Variants in PDE3A observed in about 807,000 individuals in gnomAD.
The protein encoded by PDE3A is cGMP-inhibited 3',5'-cyclic phosphodiesterase 3A.
In PDE3A, 43 loss-of-function variants were observed where a neutral mutation model predicts 98.3. The observed-to-expected ratio is 0.44, with a 90% CI of 0.34 to 0.56. The LOEUF is 0.56. Among genes scored for constraint, PDE3A ranks in the 20% least tolerant of loss-of-function variants. The probability of loss-of-function intolerance (pLI) is 0.01; values close to 1 mark genes in which losing one functional copy is unlikely to be tolerated. For synonymous variants in PDE3A, 663 were observed against 567.9 expected (o/e 1.17, Z -2.38); for missense variants, 1,427 against 1,440.7 (o/e 0.99, Z 0.15).
At chr12:20,587,637 T>C (rs1943227334) in intron 2 of PDE3A, among the ~76,000 whole-genome samples, 2 of 152,184 alleles carry the variant, frequency 1.3e-5, no homozygotes. Flanking sequence ...TGATTTCAAC[T>C]TCGGAAAATA....
At chr12:20,551,815 G>A in intron 1 of PDE3A, 2 of 1,614,000 alleles carry the variant, frequency 1.2e-6, no homozygotes, top group Non-Finnish European at 1.7e-6. Flanking sequence ...CTCACAGCGG[G>A]ACTGGGACAA....
At chr12:20,639,548 G>A (rs561901911) in intron 9 of PDE3A, among the ~76,000 whole-genome samples, 16 of 152,148 alleles carry the variant, frequency 1.1e-4, no homozygotes, top group African/African-American at 3.9e-4. Context: ...CTTTAGGACA[G>A]CTGAAATGAA....
intron 1 of PDE3A, among the ~76,000 whole-genome samples, chr12:20,374,498 G>A (rs1347065204): frequency 6.6e-6 from 1 of 151,994 alleles, no homozygotes; most frequent in Admixed American, 6.6e-5. Context: ...AGCCTTGGGG[G>A]AGGGGGTGCA....
At chr12:20,457,185 G>T (rs944162013) in intron 1 of PDE3A, among the ~76,000 whole-genome samples, 5 of 151,912 alleles carry the variant, frequency 3.3e-5, no homozygotes, top group Non-Finnish European at 7.4e-5. Flanking sequence ...ATACACTACA[G>T]AAAAAGTATT....
At chr12:20,536,860 A>G (rs1002005645) in intron 1 of PDE3A, among the ~76,000 whole-genome samples, 1 of 152,038 alleles carries the variant, frequency 6.6e-6, no homozygotes, top group African/African-American at 2.4e-5. Flanking sequence ...TTTGTGTTCA[A>G]ATTTTTGTGT....
rs1730468978 is a variant in PDE3A at position 20,551,655 on chromosome 12, C to G, written c.961-5005C>G. The G allele has an allele frequency of 5.0e-6, 8 of 1,597,850 alleles. No homozygotes were observed. The South Asian group carries it at 7.9e-5, about 16-fold the overall frequency. On this transcript the variant is annotated intron_variant, in intron 1 of 15. Coordinates refer to ENST00000359062, the MANE Select transcript of PDE3A (RefSeq NM_000921.5). Reference sequence around the variant, plus strand: ...ATGAGTGCGACATGGCCTTCCACATCTACTGCCTGGACCCGCCCCTCAGCA... The same window carrying G: ...ATGAGTGCGACATGGCCTTCCACATGTACTGCCTGGACCCGCCCCTCAGCA...
intron 1 of PDE3A, among the ~76,000 whole-genome samples, chr12:20,470,059 T>A (rs1007408921): frequency 1.3e-5 from 2 of 152,100 alleles, no homozygotes; most frequent in African/African-American, 2.4e-5. Flanking sequence ...AAATCATATT[T>A]TAATCTTTTT....
chr12:20,418,741 A>G (rs565355916), intron 1 of PDE3A, among the ~76,000 whole-genome samples: 1 of 151,938 alleles, frequency 6.6e-6, no homozygotes, highest in African/African-American at 2.4e-5. Flanking sequence ...TGGTTACTAT[A>G]TTGTGTTAGT....
intron 1 of PDE3A, among the ~76,000 whole-genome samples, chr12:20,426,097 G>A (rs1944597216): frequency 6.6e-6 from 1 of 152,146 alleles, no homozygotes; most frequent in Non-Finnish European, 1.5e-5. Context: ...CTTCTTGGAA[G>A]GAAAATACTT....
chr12:20,502,959 T>A (rs1181106150), intron 1 of PDE3A, among the ~76,000 whole-genome samples: 2 of 152,122 alleles, frequency 1.3e-5, no homozygotes, highest in African/African-American at 4.8e-5. Flanking sequence ...TCTTTCTAAG[T>A]CATTTTCTTC....
intron 1 of PDE3A, among the ~76,000 whole-genome samples, chr12:20,390,023 A>G (rs1339948165): frequency 2.0e-5 from 3 of 151,948 alleles, no homozygotes; most frequent in East Asian, 3.9e-4. Context: ...GATATGAGGT[A>G]GGGAAGGATT....
chr12:20,667,240 T>A (rs1945337497), intron 15 of PDE3A, among the ~76,000 whole-genome samples: 2 of 152,212 alleles, frequency 1.3e-5, no homozygotes, highest in Non-Finnish European at 2.9e-5. Flanking sequence ...CTCTTCACTA[T>A]GTTGATTCAT....
At chr12:20,463,443 A>G (rs542137431) in intron 1 of PDE3A, among the ~76,000 whole-genome samples, 10 of 152,298 alleles carry the variant, frequency 6.6e-5, no homozygotes, top group African/African-American at 2.4e-4. Flanking sequence ...AAAACTCAAC[A>G]TAATTATGTT....
intron 1 of PDE3A, among the ~76,000 whole-genome samples, chr12:20,406,473 A>G (rs942183884): frequency 6.6e-6 from 1 of 152,146 alleles, no homozygotes; most frequent in Non-Finnish European, 1.5e-5. Context: ...TCCCCGGATG[A>G]TTACTGAAGT....
intron 1 of PDE3A, among the ~76,000 whole-genome samples, chr12:20,386,577 GTGA>G (rs1943812658): frequency 6.6e-6 from 1 of 151,798 alleles, no homozygotes; most frequent in Non-Finnish European, 1.5e-5. Context: ...CTGACCTCAA[GTGA>G]TCCACCTGCC....
chr12:20,659,794 A>G (rs1945120020), intron 15 of PDE3A, among the ~76,000 whole-genome samples: 2 of 152,182 alleles, frequency 1.3e-5, no homozygotes, highest in Admixed American at 1.3e-4. Flanking sequence ...CCTGTAGACC[A>G]CTTTTTCGTA....
At chr12:20,598,425 C>T (rs891832884) in intron 2 of PDE3A, among the ~76,000 whole-genome samples, 2 of 152,132 alleles carry the variant, frequency 1.3e-5, no homozygotes, top group Non-Finnish European at 2.9e-5. Flanking sequence ...CTCAAGTAAT[C>T]TGCCTGGTCT....
intron 15 of PDE3A, 105 bp downstream of exon 15, chr12:20,654,310 A>T: frequency 9.1e-7 from 1 of 1,093,774 alleles, no homozygotes; most frequent in Admixed American, 2.2e-5. Flanking sequence ...AAGTCTAAAC[A>T]TCATTTGCGG....
intron 1 of PDE3A, among the ~76,000 whole-genome samples, chr12:20,523,254 T>G (rs1946461911): frequency 6.6e-6 from 1 of 152,164 alleles, no homozygotes; most frequent in African/African-American, 2.4e-5. Flanking sequence ...CTCTTGACTT[T>G]CACAGGCCAG....
Sources: gnomAD v4.1 joint callset for allele counts (sites outside exome capture counted in the v4.1 genomes callset) on GRCh38, gnomAD v4.1.1 for gene constraint, MANE v1.5 for transcripts, NCBI Gene and HGNC (gene_info 2026-07-23, HGNC 2026-07-21) for gene names.